The following ZNF678 variants were observed in gnomAD, a reference collection of about 807,000 sequenced individuals.
ZNF678 encodes zinc finger protein 678, also known as hypothetical protein MGC42493.
In ZNF678, 5 loss-of-function variants were observed where a neutral mutation model predicts 3.0. The ratio of observed to expected loss-of-function variants is 1.69; its 90% CI spans 0.88 to 3.56. ZNF678 has a LOEUF of 3.56. ZNF678 is among the 30% of genes most tolerant of loss of function. The probability of loss-of-function intolerance (pLI) is 0.00; values close to 1 mark genes in which losing one functional copy is unlikely to be tolerated. For missense variants in ZNF678, 593 were observed against 605.0 expected, an observed-to-expected ratio of 0.98 and a Z score of 0.21; for synonymous variants, 218 against 199.6, an observed-to-expected ratio of 1.09 and a Z score of -0.78.
intron 1 of ZNF678, among the ~76,000 whole-genome samples, chr1:227,631,897 C>G (rs1456998505): frequency 1.3e-5 from 2 of 152,198 alleles, no homozygotes; most frequent in African/African-American, 4.8e-5. Context: ...GACGTTTGCT[C>G]ATTGCCCCCA....
intron 1 of ZNF678, among the ~76,000 whole-genome samples, chr1:227,564,136 C>A (rs910961311): frequency 1.3e-5 from 2 of 152,120 alleles, no homozygotes; most frequent in Admixed American, 1.3e-4. Flanking sequence ...GGAGAGCGCC[C>A]AGCTATGGTG....
chr1:227,678,095 T>C (rs1397193704), downstream of ZNF678, among the ~76,000 whole-genome samples: 1 of 152,106 alleles, frequency 6.6e-6, no homozygotes, highest in Non-Finnish European at 1.5e-5. Context: ...ATAAACACTT[T>C]AGTCCACCAA....
chr1:227,651,362 C>G (rs1486489934), intron 3 of ZNF678, among the ~76,000 whole-genome samples: 1 of 152,174 alleles, frequency 6.6e-6, no homozygotes, highest in Admixed American at 6.6e-5. Context: ...TACCAAGTCA[C>G]AGGTCTCTAG....
In ZNF678 at chr1:227,586,554, A is replaced by G. The variant is rs148826837; in HGVS notation, c.-164+22830A>G. Among the ~76,000 whole-genome samples, 758 of 152,358 alleles carry G rather than the reference A, an allele frequency of 5.0e-3. 6 individuals are homozygous for G. Among genetic ancestry groups the G allele is most frequent in the Middle Eastern group, 0.017 (5 of 294 alleles). ...GAGCACTTGAGCAAGCAGATAAACG[A>G]ATTGATAAACTTAAAAATAAGTAAC... On this transcript the variant is annotated intron_variant, in intron 1 of 3. Transcript: ENST00000343776.
chr1:227,663,468 A>G (rs559615317), downstream of ZNF678, among the ~76,000 whole-genome samples: 22 of 152,344 alleles, frequency 1.4e-4, no homozygotes, highest in South Asian at 4.6e-3. Context: ...AAGATGACAC[A>G]TTGCAGAGAA....
Position 227,661,120 on chromosome 1 carries a change from G to A in ZNF678, c.*5292G>A, listed in dbSNP as rs1286475461. 6.6e-6 allele frequency: 1 copy of A among 152,112 alleles called. No individual in the cohort carries two copies. The highest frequency in any genetic ancestry group is 1.5e-5 in the Non-Finnish European group (1 of 68,006). The allele number at this position is 152,112 out of a possible 1,614,324, so 9.4% of individuals were successfully genotyped here. On this transcript the variant is annotated 3_prime_UTR_variant, in exon 4 of 4. Coordinates refer to ENST00000343776, the MANE Select transcript of ZNF678 (RefSeq NM_001367909.1). Reference sequence around the variant, plus strand: ...TTCTGACTCCCCAAATGAAATTGAGGCCCAGAAACTTTCAACTGCTTTGTT... The same window carrying A: ...TTCTGACTCCCCAAATGAAATTGAGACCCAGAAACTTTCAACTGCTTTGTT...
At chr1:227,668,374 T>C (rs1007952663) in intron 5 of ZNF678, among the ~76,000 whole-genome samples, 1 of 152,252 alleles carries the variant, frequency 6.6e-6, no homozygotes, top group Non-Finnish European at 1.5e-5. Flanking sequence ...TCTTTTGATC[T>C]GCTTTGGTAT....
intron 1 of ZNF678, among the ~76,000 whole-genome samples, chr1:227,599,726 T>C (rs1329115569): frequency 1.3e-5 from 2 of 152,206 alleles, no homozygotes; most frequent in Non-Finnish European, 2.9e-5. Context: ...CTTTGAAGAA[T>C]TAATAAACAC....
chr1:227,634,434 A>C (rs1445946124), intron 1 of ZNF678, among the ~76,000 whole-genome samples: 1 of 152,174 alleles, frequency 6.6e-6, no homozygotes, highest in African/African-American at 2.4e-5. Context: ...GGTCCCTGAT[A>C]CCAGACTTGA....
chr1:227,611,077 A>G (rs2102760068), intron 1 of ZNF678, among the ~76,000 whole-genome samples: 1 of 152,298 alleles, frequency 6.6e-6, no homozygotes, highest in African/African-American at 2.4e-5. Flanking sequence ...ATTTGTAGAG[A>G]AATTCAGGTG....
chr1:227,646,398 A>C (rs577748013), intron 1 of ZNF678, 146 bp from the exon 2 acceptor site: 1 of 671,100 alleles, frequency 1.5e-6, no homozygotes, highest in East Asian at 6.6e-5. Flanking sequence ...TACAGAATGC[A>C]TTCGAGAATC....
chr1:227,636,275 T>C (rs990173979), intron 1 of ZNF678, among the ~76,000 whole-genome samples: 3 of 152,228 alleles, frequency 2.0e-5, no homozygotes, highest in African/African-American at 7.2e-5. Flanking sequence ...GCTACTTTTC[T>C]GATGTTTGAA....
chr1:227,601,806 G>C (rs1014798883), intron 1 of ZNF678, among the ~76,000 whole-genome samples: 6 of 151,970 alleles, frequency 3.9e-5, no homozygotes, highest in Non-Finnish European at 5.9e-5. Flanking sequence ...CTCGTGACCT[G>C]CCTGCCTCAG....
intron 3 of ZNF678, among the ~76,000 whole-genome samples, chr1:227,651,934 T>C (rs1313687337): frequency 3.9e-5 from 6 of 152,184 alleles, no homozygotes; most frequent in African/African-American, 1.4e-4. Context: ...TTGGGAGATA[T>C]ACAAGAAGAG....
chr1:227,623,529 G>A (rs901547121), intron 1 of ZNF678, among the ~76,000 whole-genome samples: 10 of 152,270 alleles, frequency 6.6e-5, no homozygotes, highest in South Asian at 4.1e-4. Flanking sequence ...TTCACTGGTC[G>A]TTGAAATTTT....
Position 227,592,704 on chromosome 1 carries a change from G to A in ZNF678, c.-164+28980G>A, listed in dbSNP as rs182005877. Reference sequence around the variant, plus strand: ...TAAATTGATCTGGTATTCCTTGCGGGGCTCCAGTTGCATCTAAATAGATGT... The same window carrying A: ...TAAATTGATCTGGTATTCCTTGCGGAGCTCCAGTTGCATCTAAATAGATGT... On this transcript the variant is annotated intron_variant, in intron 1 of 3. Transcript: ENST00000343776. Among the ~76,000 whole-genome samples the A allele has an allele frequency of 9.5e-4, 144 of 152,238 alleles. No individual in the cohort carries two copies. In the Middle Eastern group the frequency reaches 0.01, roughly 11 times the overall value.
chr1:227,633,480 A>C (rs930735213), intron 1 of ZNF678, among the ~76,000 whole-genome samples: 13 of 152,284 alleles, frequency 8.5e-5, no homozygotes, highest in African/African-American at 3.1e-4. Context: ...CCCGTGTTTA[A>C]AGGTGGGTGC....
At chr1:227,665,217 G>A (rs552688292), downstream of ZNF678, among the ~76,000 whole-genome samples, 1 of 152,350 alleles carries the variant, frequency 6.6e-6, no homozygotes, top group South Asian at 2.1e-4. Flanking sequence ...GGGCCCAGCA[G>A]TGTGGTTTTG....
At chr1:227,593,053 A>C (rs1389602900) in intron 1 of ZNF678, among the ~76,000 whole-genome samples, 1 of 152,250 alleles carries the variant, frequency 6.6e-6, no homozygotes, top group East Asian at 1.9e-4. Flanking sequence ...CGGAAGCTGG[A>C]TGGCCCTTGG....
Sources: allele counts gnomAD v4.1 joint callset (sites outside exome capture counted in the v4.1 genomes callset), GRCh38; gene constraint gnomAD v4.1.1; transcripts MANE v1.5; gene names NCBI Gene and HGNC (gene_info 2026-07-23, HGNC 2026-07-21).